Variants in ZC3H13 observed in about 807,000 individuals in gnomAD.
ZC3H13 encodes the protein zinc finger CCCH domain-containing protein 13.
ZC3H13 carries 64 observed loss-of-function variants against 204.1 expected under a neutral mutation model. That is an observed-to-expected ratio of 0.31 (90% confidence interval 0.26 to 0.39). ZC3H13 has a LOEUF of 0.39. Ranked by LOEUF, ZC3H13 falls within the 10% of genes least tolerant of loss-of-function variation. The probability of loss-of-function intolerance (pLI) is 1.00; values close to 1 mark genes in which losing one functional copy is unlikely to be tolerated. For synonymous variants in ZC3H13, 667 were observed against 693.7 expected, an observed-to-expected ratio of 0.96 and a Z score of 0.60; for missense variants, 1,833 against 2,082.7, an observed-to-expected ratio of 0.88 and a Z score of 2.33.
intron 12 of ZC3H13, among the ~76,000 whole-genome samples, chr13:45,973,842 T>C (rs962158343): frequency 2.6e-5 from 4 of 152,156 alleles, no homozygotes; most frequent in Non-Finnish European, 4.4e-5. Flanking sequence ...CTGAAGTTTA[T>C]GTTCAGGTAA....
intron 17 of ZC3H13, among the ~76,000 whole-genome samples, chr13:45,961,620 A>G (rs1187821565): frequency 6.6e-6 from 1 of 151,480 alleles, no homozygotes; most frequent in Admixed American, 6.6e-5. Context: ...CAAAAAAAAA[A>G]AGAACGAATA....
chr13:45,975,325 T>C lies in ZC3H13; in HGVS notation c.2426A>G (p.Glu809Gly), dbSNP rs1343800518. The change falls in exon 12 of 19, where the codon GAA becomes GGA. Residue 809 changes from glutamate to glycine, a missense_variant. Physicochemically the swap from Glu to Gly is moderately conservative, Grantham distance 98. This residue lies in a region of ZC3H13 where 1,574 missense variants were observed against 1,757.2 expected (regional missense o/e 0.90). Coordinates refer to ENST00000679008, the MANE Select transcript of ZC3H13 (RefSeq NM_001330564.2). ...DRREKREEIREDRNPRDGHDE... is the reference protein window; with the variant it reads ...DRREKREEIRGDRNPRDGHDE... ...ATGTCCATCTCTTGGATTCCTATCT[T>C]CTCGGATCTCTTCTCGCTTTTCTCT... 3 of 1,613,992 alleles carry C rather than the reference T, an allele frequency of 1.9e-6. No individual in the cohort carries two copies. The highest frequency in any genetic ancestry group is 2.5e-6 in the Non-Finnish European group (3 of 1,179,982).
At chr13:46,008,364 T>C (rs1268109584) in intron 7 of ZC3H13, among the ~76,000 whole-genome samples, 1 of 152,108 alleles carries the variant, frequency 6.6e-6, no homozygotes, top group Non-Finnish European at 1.5e-5. Flanking sequence ...TTAAATGTTT[T>C]CTTTGTATTT....
intron 1 of ZC3H13, among the ~76,000 whole-genome samples, chr13:46,048,580 CAAAAAAAAAA>C (rs56753264): frequency 2.6e-5 from 1 of 38,662 alleles, no homozygotes; most frequent in Non-Finnish European, 4.3e-5. Context: ...GACTCCGCCT[CAAAAAAAAAA>C]AAAAAAAAAA....
At chr13:45,965,214 G>A in intron 16 of ZC3H13, 66 bp downstream of exon 16, 1 of 1,546,392 alleles carries the variant, frequency 6.5e-7, no homozygotes, top group Non-Finnish European at 8.7e-7. Context: ...CAGAGTAGAA[G>A]GTAATAATAC....
At chr13:46,038,178 G>A (rs1197549391) in intron 4 of ZC3H13, among the ~76,000 whole-genome samples, 1 of 64,588 alleles carries the variant, frequency 1.5e-5, no homozygotes, top group East Asian at 5.6e-4. Context: ...TTCATCTCAC[G>A]TCCACGTTAT....
chr13:46,044,901 A>C, intron 3 of ZC3H13, 54 bp downstream of exon 3: 4 of 1,314,694 alleles, frequency 3.0e-6, no homozygotes, highest in Non-Finnish European at 4.1e-6. Context: ...TACTAGATAA[A>C]TTACAAAAGC....
At chr13:46,014,267 T>C (rs922344043) in intron 5 of ZC3H13, among the ~76,000 whole-genome samples, 1 of 152,122 alleles carries the variant, frequency 6.6e-6, no homozygotes, top group Non-Finnish European at 1.5e-5. Context: ...TACCTATAGG[T>C]ACAGGTTGAT....
In ZC3H13 at chr13:46,003,139, C is replaced by G; in HGVS notation, c.944G>C (p.Arg315Thr). The change falls in exon 8 of 19, where the codon AGG (arginine) becomes ACG (threonine). Residue 315 changes from arginine to threonine, a missense_variant and splice_region_variant. Arg to Thr is a moderately conservative substitution (Grantham distance 71). This residue lies in a region of ZC3H13 where 1,574 missense variants were observed against 1,757.2 expected (regional missense o/e 0.90). Coordinates refer to ENST00000679008, the MANE Select transcript of ZC3H13 (RefSeq NM_001330564.2). Reference sequence around the variant, plus strand: ...GTTAAAAACATACAATCCTACTTACCTTGGCTTGTCTCTCTTTTCTCTTTG... The same window carrying G: ...GTTAAAAACATACAATCCTACTTACGTTGGCTTGTCTCTCTTTTCTCTTTG... ...ERQREKRDKP[R>T]STSPAGQHHS... The G allele has an allele frequency of 1.2e-6, 2 of 1,608,768 alleles. No individual in the cohort carries two copies. The highest frequency in any genetic ancestry group is 1.7e-6 in the Non-Finnish European group (2 of 1,179,110).
intron 7 of ZC3H13, among the ~76,000 whole-genome samples, chr13:46,008,429 T>C (rs905404813): frequency 1.3e-5 from 2 of 152,182 alleles, no homozygotes; most frequent in East Asian, 3.9e-4. Flanking sequence ...TAACGGTGCA[T>C]CGTAAAGTCA....
intron 5 of ZC3H13, among the ~76,000 whole-genome samples, chr13:46,013,371 G>C (rs368259416): frequency 6.6e-6 from 1 of 150,892 alleles, no homozygotes; most frequent in South Asian, 2.1e-4. Context: ...CTGACATCGT[G>C]CCACTGCACT....
chr13:46,046,396 T>A (rs901390247), intron 1 of ZC3H13, among the ~76,000 whole-genome samples: 3 of 151,546 alleles, frequency 2.0e-5, no homozygotes, highest in African/African-American at 7.3e-5. Context: ...CAGTGGCTCG[T>A]GCCTGTAATC....
intron 5 of ZC3H13, 114 bp downstream of exon 5, chr13:46,020,335 A>C (rs2042148731): frequency 2.6e-6 from 2 of 783,332 alleles, no homozygotes; most frequent in Non-Finnish European, 4.2e-6. Context: ...ATATGTCAAT[A>C]AAATGATTCT....
chr13:46,029,654 T>G (rs1002406326), intron 4 of ZC3H13, among the ~76,000 whole-genome samples: 2 of 151,822 alleles, frequency 1.3e-5, no homozygotes, highest in Non-Finnish European at 2.9e-5. Context: ...GGTCTCGATC[T>G]CCTGACCTCG....
intron 8 of ZC3H13, among the ~76,000 whole-genome samples, chr13:45,998,373 C>T (rs899564225): frequency 5.9e-5 from 9 of 152,024 alleles, no homozygotes; most frequent in South Asian, 2.1e-4. Flanking sequence ...AGGCCGGGCG[C>T]GGTGGCTCAC....
In ZC3H13 at chr13:46,003,134, C is replaced by T; in HGVS notation, c.944+5G>A. On this transcript the variant is annotated splice_donor_5th_base_variant and intron_variant, in intron 8 of 18. Transcript: ENST00000679008. ...ATATTGTTAAAAACATACAATCCTA[C>T]TTACCTTGGCTTGTCTCTCTTTTCT... 6.2e-7 allele frequency: 1 copy of T among 1,607,840 alleles called. No individual in the cohort carries two copies. Among genetic ancestry groups the T allele is most frequent in the Non-Finnish European group, 8.5e-7 (1 of 1,178,854 alleles).
intron 11 of ZC3H13, 100 bp from the exon 12 acceptor site, chr13:45,975,938 C>T: frequency 6.9e-7 from 1 of 1,457,208 alleles, no homozygotes; most frequent in South Asian, 1.6e-5. Context: ...TAGGGTCACA[C>T]TGGCAACAAA....
At chr13:46,030,673 T>C (rs781496706) in intron 4 of ZC3H13, among the ~76,000 whole-genome samples, 24 of 152,056 alleles carry the variant, frequency 1.6e-4, no homozygotes, top group Non-Finnish European at 2.9e-4. Context: ...CAACGGTAAG[T>C]GGAATTTAAA....
At position 45,967,644 on chromosome 13, in the gene ZC3H13, A is replaced by G. The variant is rs774508496; in HGVS notation, c.4181T>C (p.Leu1394Pro). The G allele has an allele frequency of 1.2e-6, 2 of 1,614,080 alleles. No homozygotes were observed. Among genetic ancestry groups the G allele is most frequent in the East Asian group, 2.2e-5 (1 of 44,884 alleles). The stretch of plus-strand genomic sequence containing the variant: ...TAGATCCCTTTCATGTTCACCTTCC[A>G]GTTTTGCTTCACAGCGTTTCACAGA... Reference protein sequence around the residue: ...IESVKRCEAKLEGEHERDLES... With the variant: ...IESVKRCEAKPEGEHERDLES... The change falls in exon 15 of 19, where the codon CTG becomes CCG. Residue 1394 changes from leucine to proline, a missense_variant. Leu to Pro is a moderately conservative substitution (Grantham distance 98). Transcript: ENST00000679008.
Sources: allele counts gnomAD v4.1 joint callset (sites outside exome capture counted in the v4.1 genomes callset), GRCh38; gene constraint gnomAD v4.1.1; regional missense constraint gnomAD v4.1.1; transcripts MANE v1.5; gene names NCBI Gene and HGNC (gene_info 2026-07-23, HGNC 2026-07-21).